Variants in NDST4 observed in about 807,000 individuals in gnomAD.
The protein encoded by NDST4 is N-heparan sulfate sulfotransferase 4.
A neutral mutation model predicts 100.8 loss-of-function variants in NDST4; 63 were observed. The observed-to-expected ratio is 0.62, with a 90% confidence interval of 0.51 to 0.77. NDST4 has a LOEUF of 0.77. NDST4 is among the 30% of genes least tolerant of loss of function. NDST4 has a pLI of 0.00. For synonymous variants in NDST4, 377 were observed against 361.8 expected (o/e 1.04, Z -0.48); for missense variants, 943 against 1,018.4 (o/e 0.93, Z 1.01).
Position 114,932,362 on chromosome 4 carries a change from A to C in NDST4, c.1536+2844T>G, listed in dbSNP as rs773266873. On this transcript the variant is annotated intron_variant, in intron 6 of 13. Coordinates refer to ENST00000264363, the MANE Select transcript of NDST4 (RefSeq NM_022569.3). ...TATTCATCACAACACAATTAGTGCC[A>C]TATATTACAAACTCACAGCTAATAT... is the stretch of plus-strand genomic sequence containing the variant. Among the ~76,000 whole-genome samples the C allele has an allele frequency of 2.6e-5, 4 of 151,982 alleles. No homozygotes were observed. In the South Asian group the frequency reaches 8.3e-4, roughly 31 times the overall value.
At chr4:114,978,638 C>T (rs1050090531) in intron 2 of NDST4, among the ~76,000 whole-genome samples, 1 of 151,936 alleles carries the variant, frequency 6.6e-6, no homozygotes, top group Non-Finnish European at 1.5e-5. Context: ...TTGGTAAATG[C>T]TCTGGAATAC....
chr4:114,960,410 A>C (rs1200468949), intron 4 of NDST4, among the ~76,000 whole-genome samples: 3 of 152,040 alleles, frequency 2.0e-5, no homozygotes, highest in African/African-American at 7.2e-5. Flanking sequence ...GTTTGAGACC[A>C]GCCTGGCCAA....
intron 7 of NDST4, among the ~76,000 whole-genome samples, 182 bp downstream of exon 7, chr4:114,870,586 A>G (rs1724126315): frequency 6.6e-6 from 1 of 152,162 alleles, no homozygotes. Context: ...GCAAGCAAAA[A>G]ATGCAAACAA....
chr4:114,895,716 A>T (rs1240119992), intron 6 of NDST4, among the ~76,000 whole-genome samples: 2 of 152,196 alleles, frequency 1.3e-5, no homozygotes, highest in African/African-American at 4.8e-5. Flanking sequence ...CCTGATGAAC[A>T]TTGATGTGAA....
chr4:114,982,539 C>G (rs766307187), intron 2 of NDST4, among the ~76,000 whole-genome samples: 6 of 152,072 alleles, frequency 3.9e-5, no homozygotes, highest in Non-Finnish European at 8.8e-5. Flanking sequence ...CTGGCCCTTC[C>G]TAAAAGCCTA....
intron 2 of NDST4, among the ~76,000 whole-genome samples, chr4:115,032,597 A>G (rs1486691950): frequency 6.6e-6 from 1 of 152,082 alleles, no homozygotes; most frequent in Admixed American, 6.6e-5. Context: ...TAGAGCTAAA[A>G]TTGTATTAGA....
intron 4 of NDST4, among the ~76,000 whole-genome samples, chr4:114,966,022 T>C (rs1431382571): frequency 2.6e-5 from 4 of 152,016 alleles, no homozygotes; most frequent in East Asian, 1.9e-4. Context: ...CTATGAGTTA[T>C]TGAAGGAAAA....
chr4:115,004,407 T>C (rs1319740266), intron 2 of NDST4, among the ~76,000 whole-genome samples: 1 of 152,194 alleles, frequency 6.6e-6, no homozygotes, highest in Admixed American at 6.5e-5. Flanking sequence ...TTCATCCCTA[T>C]GGGAGGTAAA....
At chr4:114,934,733 G>A (rs1038221547) in intron 6 of NDST4, among the ~76,000 whole-genome samples, 1 of 151,868 alleles carries the variant, frequency 6.6e-6, no homozygotes, top group Non-Finnish European at 1.5e-5. Flanking sequence ...AAATTGCTAA[G>A]AGAATAAATA....
chr4:114,858,991 G>A (rs1313540869), intron 7 of NDST4, among the ~76,000 whole-genome samples: 2 of 152,166 alleles, frequency 1.3e-5, no homozygotes, highest in Non-Finnish European at 2.9e-5. Context: ...GTGAGAACAG[G>A]GAGAAGTATC....
chr4:114,909,248 G>A (rs1406874505), intron 6 of NDST4, among the ~76,000 whole-genome samples: 1 of 152,110 alleles, frequency 6.6e-6, no homozygotes, highest in Non-Finnish European at 1.5e-5. Flanking sequence ...TGACGATGAC[G>A]ATGATGATAG....
intron 6 of NDST4, among the ~76,000 whole-genome samples, chr4:114,919,397 C>A (rs1725242501): frequency 6.6e-6 from 1 of 152,158 alleles, no homozygotes; most frequent in African/African-American, 2.4e-5. Flanking sequence ...GTGGACAACC[C>A]TTCTCTGAGG....
intron 2 of NDST4, among the ~76,000 whole-genome samples, chr4:115,006,349 T>C (rs1280511758): frequency 1.3e-5 from 2 of 152,048 alleles, no homozygotes; most frequent in Non-Finnish European, 2.9e-5. Flanking sequence ...CAAACAGATA[T>C]CATTCATTGC....
rs546949607 is a variant in NDST4, at chr4:114,883,122, T to C, written c.1537-12172A>G. Among the ~76,000 whole-genome samples, 132 of 151,974 alleles carry C rather than the reference T, an allele frequency of 8.7e-4. 1 individual carries two copies. The highest frequency in any genetic ancestry group is 3.2e-3 in the African/African-American group (131 of 41,504). On this transcript the variant is annotated intron_variant, in intron 6 of 13. Coordinates refer to ENST00000264363, the MANE Select transcript of NDST4 (RefSeq NM_022569.3). ...ATGAAGTTTTTTAGGCAGAGAAAAA[T>C]GATATAGTTCAAAAACTTAAATCAA...
At chr4:115,071,736 A>G (rs747842282) in intron 2 of NDST4, among the ~76,000 whole-genome samples, 11 of 151,894 alleles carry the variant, frequency 7.2e-5, no homozygotes, top group Non-Finnish European at 1.3e-4. Flanking sequence ...ATGTTGTACT[A>G]CCAGAAAAAA....
intron 7 of NDST4, among the ~76,000 whole-genome samples, chr4:114,867,095 C>A (rs145786321): frequency 2.6e-5 from 4 of 152,258 alleles, no homozygotes; most frequent in Non-Finnish European, 2.9e-5. Context: ...CAAGGCATTT[C>A]ACTACACTGA....
intron 2 of NDST4, among the ~76,000 whole-genome samples, chr4:115,043,614 A>G (rs1728399927): frequency 6.6e-6 from 1 of 152,046 alleles, no homozygotes; most frequent in Non-Finnish European, 1.5e-5. Flanking sequence ...TGAATCAACC[A>G]AGGACTGATT....
intron 8 of NDST4, among the ~76,000 whole-genome samples, chr4:114,851,311 T>C (rs1250786755): frequency 6.6e-6 from 1 of 152,028 alleles, no homozygotes; most frequent in African/African-American, 2.4e-5. Flanking sequence ...ACTACAACCG[T>C]TTTTATATTA....
At chr4:114,889,306 G>C (rs1004233559) in intron 6 of NDST4, among the ~76,000 whole-genome samples, 1 of 152,140 alleles carries the variant, frequency 6.6e-6, no homozygotes, top group Admixed American at 6.6e-5. Flanking sequence ...AGTGGATTTT[G>C]ATCCCACTTA....
Sources: gnomAD v4.1 joint callset for allele counts (sites outside exome capture counted in the v4.1 genomes callset) on GRCh38, gnomAD v4.1.1 for gene constraint, MANE v1.5 for transcripts, NCBI Gene and HGNC (gene_info 2026-07-23, HGNC 2026-07-21) for gene names.